Variants in POLN observed in about 807,000 individuals in gnomAD.
The protein encoded by POLN is DNA polymerase nu, also known as DNA polymerase N.
POLN carries 108 observed loss-of-function variants against 113.5 expected under a neutral mutation model. The ratio of observed to expected loss-of-function variants is 0.95; its 90% CI spans 0.81 to 1.12. The LOEUF (loss-of-function observed/expected upper bound fraction) is 1.12, where lower values mean the gene tolerates loss of function less well. POLN is among the 50% of genes most tolerant of loss of function. The pLI, the probability that POLN is intolerant of heterozygous loss-of-function variation, is 0.00. For synonymous variants in POLN, 386 were observed against 391.5 expected, an observed-to-expected ratio of 0.99 and a Z score of 0.17; for missense variants, 1,097 against 1,077.1, an observed-to-expected ratio of 1.02 and a Z score of -0.26.
At chr4:2,106,530 T>G (rs1463889399) in intron 19 of POLN, among the ~76,000 whole-genome samples, 1 of 152,228 alleles carries the variant, frequency 6.6e-6, no homozygotes, top group African/African-American at 2.4e-5. Context: ...TAAATACTTA[T>G]AAAACTTAGC....
chr4:2,085,561 C>A, intron 21 of POLN, 52 bp downstream of exon 21: 1 of 1,604,442 alleles, frequency 6.2e-7, no homozygotes, highest in Non-Finnish European at 8.5e-7. Flanking sequence ...TCCCCCCATC[C>A]TCCCACAGAG....
chr4:2,091,841 C>T (rs988512266), intron 20 of POLN, among the ~76,000 whole-genome samples: 4 of 151,792 alleles, frequency 2.6e-5, no homozygotes, highest in African/African-American at 7.3e-5. Flanking sequence ...ACAGTCTTCA[C>T]TCCCTTCACT....
chr4:2,109,082 T>C (rs1308880831), intron 19 of POLN, among the ~76,000 whole-genome samples: 2 of 152,164 alleles, frequency 1.3e-5, no homozygotes, highest in African/African-American at 2.4e-5. Flanking sequence ...TCAATGATTA[T>C]AGAAATTTTG....
At chr4:2,119,335 CTTGAAGA>C (rs1228617674) in intron 19 of POLN, among the ~76,000 whole-genome samples, 1 of 152,156 alleles carries the variant, frequency 6.6e-6, no homozygotes. Context: ...GTGATGGTTC[CTTGAAGA>C]AGGCGCCTTA....
At chr4:2,074,137 C>T (rs760465822) in intron 24 of POLN, among the ~76,000 whole-genome samples, 34 of 152,180 alleles carry the variant, frequency 2.2e-4, no homozygotes, top group Non-Finnish European at 4.3e-4. Flanking sequence ...GTTGACTGAG[C>T]GGGTGATCCC....
intron 13 of POLN, among the ~76,000 whole-genome samples, chr4:2,164,499 C>G (rs1348735886): frequency 9.9e-6 from 1 of 101,232 alleles, no homozygotes; most frequent in Non-Finnish European, 1.8e-5. Context: ...GAAACTCTGT[C>G]TCAAAAAAAA....
intron 23 of POLN, chr4:2,078,818 G>A: frequency 3.0e-6 from 3 of 985,492 alleles, no homozygotes; most frequent in Non-Finnish European, 3.6e-6. Flanking sequence ...CTGCGTTCCT[G>A]AGTAAAAGTG....
At chr4:2,103,968 A>G (rs1730988403) in intron 19 of POLN, among the ~76,000 whole-genome samples, 1 of 152,232 alleles carries the variant, frequency 6.6e-6, no homozygotes, top group Non-Finnish European at 1.5e-5. Context: ...GAAATGCTCA[A>G]GGGAGTCCTA....
At chr4:2,095,955 G>A in intron 19 of POLN, 22 bp from the exon 20 acceptor site, 1 of 1,610,416 alleles carries the variant, frequency 6.2e-7, no homozygotes, top group Non-Finnish European at 8.5e-7. Context: ...GACCATGTGT[G>A]AAGTTCAGGC....
chr4:2,203,639 C>T (rs1048266401), intron 5 of POLN, among the ~76,000 whole-genome samples: 26 of 151,470 alleles, frequency 1.7e-4, no homozygotes, highest in Non-Finnish European at 3.1e-4. Flanking sequence ...ATCAAAACCT[C>T]TGGGATAGCC....
chr4:2,235,393 T>A (rs569441509), intron 2 of POLN, among the ~76,000 whole-genome samples: 1 of 152,306 alleles, frequency 6.6e-6, no homozygotes, highest in South Asian at 2.1e-4. Flanking sequence ...TTGGCAAAGA[T>A]GTGGAGAAAC....
At chr4:2,095,560 G>A (rs936528074) in intron 20 of POLN, among the ~76,000 whole-genome samples, 1 of 152,174 alleles carries the variant, frequency 6.6e-6, no homozygotes, top group Admixed American at 6.5e-5. Flanking sequence ...AGGTCTCCAA[G>A]CACAGCAGTG....
chr4:2,160,134 T>G (rs1436382688), intron 13 of POLN, among the ~76,000 whole-genome samples: 1 of 152,258 alleles, frequency 6.6e-6, no homozygotes, highest in Non-Finnish European at 1.5e-5. Flanking sequence ...TCACTGGTGT[T>G]AATTTTAGCT....
rs563959138 is a variant in POLN, at chr4:2,197,020, G to A, written c.908+1504C>T. 2.6e-5 allele frequency among the ~76,000 whole-genome samples: 4 copies of A among 152,298 alleles called. No individual in the cohort carries two copies. The East Asian group carries it at 5.8e-4, about 22-fold the overall frequency. ...AGGAGGAGGTGAGGTTGAAGACAGC[G>A]GAGGGGCCAGAGTAAGCAGACCTCG... On this transcript the variant is annotated intron_variant, in intron 6 of 25. Transcript: ENST00000511885.
intron 13 of POLN, among the ~76,000 whole-genome samples, chr4:2,167,992 G>A (rs571830679): frequency 1.3e-5 from 2 of 152,200 alleles, no homozygotes; most frequent in African/African-American, 4.8e-5. Flanking sequence ...CAGACAACTC[G>A]ATGGTCAAAG....
intron 2 of POLN, among the ~76,000 whole-genome samples, chr4:2,233,495 A>G (rs1734655489): frequency 6.6e-6 from 1 of 152,170 alleles, no homozygotes; most frequent in African/African-American, 2.4e-5. Flanking sequence ...CAAGAACATC[A>G]TATGATTGTT....
chr4:2,128,699 G>C (rs1470184924), intron 18 of POLN, among the ~76,000 whole-genome samples: 1 of 152,190 alleles, frequency 6.6e-6, no homozygotes, highest in South Asian at 2.1e-4. Context: ...CTGGGATTTA[G>C]ATACGGTGAT....
intron 4 of POLN, among the ~76,000 whole-genome samples, chr4:2,209,825 C>T (rs1012832179): frequency 6.0e-5 from 9 of 150,868 alleles, no homozygotes; most frequent in Non-Finnish European, 1.0e-4. Context: ...CCATATCCAG[C>T]GAATTTTTCT....
At chr4:2,112,026 A>T (rs969646604) in intron 19 of POLN, among the ~76,000 whole-genome samples, 223 of 152,358 alleles carry the variant, frequency 1.5e-3, no homozygotes, top group South Asian at 4.1e-3. Context: ...TGGTACTGGT[A>T]CCAAAACAGA....
Sources: gnomAD v4.1 joint callset for allele counts (sites outside exome capture counted in the v4.1 genomes callset) on GRCh38, gnomAD v4.1.1 for gene constraint, MANE v1.5 for transcripts, NCBI Gene and HGNC (gene_info 2026-07-23, HGNC 2026-07-21) for gene names.